The following SMAD3 variants were observed in gnomAD, a reference collection of about 807,000 sequenced individuals.
The protein encoded by SMAD3 is SMAD family member 3.
Under a neutral mutation model 51.8 loss-of-function variants are expected in SMAD3, and 12 were observed. The observed-to-expected ratio is 0.23, with a 90% CI of 0.15 to 0.38. SMAD3 has a LOEUF of 0.38. Among genes scored for constraint, SMAD3 ranks in the 10% least tolerant of loss-of-function variants. The pLI is 1.00. For synonymous variants in SMAD3, 238 were observed against 227.7 expected (o/e 1.05, Z -0.41); for missense variants, 294 against 565.6 (o/e 0.52, Z 4.87).
chr15:67,131,867 C>T (rs1204776000), intron 1 of SMAD3, among the ~76,000 whole-genome samples: 1 of 152,192 alleles, frequency 6.6e-6, no homozygotes, highest in East Asian at 1.9e-4. Flanking sequence ...ATGGGTGCTT[C>T]TTCAGGACAC....
At chr15:67,164,334 AAAAAAAAAAAAG>A (rs1268355870) in intron 1 of SMAD3, among the ~76,000 whole-genome samples, 7 of 151,662 alleles carry the variant, frequency 4.6e-5, no homozygotes, top group Middle Eastern at 6.8e-3. Flanking sequence ...AAAAAAAAAA[AAAAAAAAAAAAG>A]AGGAGGAAAG....
intron 4 of SMAD3, 47 bp from the exon 5 acceptor site, chr15:67,170,507 A>G: frequency 6.5e-7 from 1 of 1,549,348 alleles, no homozygotes; most frequent in Non-Finnish European, 8.9e-7. Context: ...TTGGCTCTCC[A>G]GGCCAAGAAT....
At chr15:67,103,763 C>T (rs1186303035) in intron 1 of SMAD3, among the ~76,000 whole-genome samples, 1 of 152,192 alleles carries the variant, frequency 6.6e-6, no homozygotes, top group Non-Finnish European at 1.5e-5. Context: ...AGGAGGGTTT[C>T]CTCCAACTGT....
At chr15:67,118,434 C>T (rs1231520101) in intron 1 of SMAD3, among the ~76,000 whole-genome samples, 1 of 152,132 alleles carries the variant, frequency 6.6e-6, no homozygotes, top group Non-Finnish European at 1.5e-5. Context: ...TTGATATTTT[C>T]CAAAAAGATA....
chr15:67,185,149 C>T (rs577725387), intron 7 of SMAD3, among the ~76,000 whole-genome samples: 1 of 152,336 alleles, frequency 6.6e-6, no homozygotes, highest in East Asian at 1.9e-4. Context: ...TTTCTTCACT[C>T]ATTCATTGCA....
chr15:67,171,786 C>T (rs994203144), intron 5 of SMAD3, among the ~76,000 whole-genome samples: 3 of 152,076 alleles, frequency 2.0e-5, no homozygotes, highest in Admixed American at 6.6e-5. Context: ...CCATGAGTGC[C>T]GGGCTTTGCA....
intron 1 of SMAD3, among the ~76,000 whole-genome samples, chr15:67,078,304 G>A (rs1349142157): frequency 1.3e-5 from 2 of 152,164 alleles, no homozygotes; most frequent in African/African-American, 2.4e-5. Flanking sequence ...ATTAGATCTC[G>A]GCCTCTGCTG....
chr15:67,108,917 G>A (rs1414494691), intron 1 of SMAD3, among the ~76,000 whole-genome samples: 2 of 152,216 alleles, frequency 1.3e-5, no homozygotes, highest in East Asian at 3.8e-4. Context: ...AGAGAAAACT[G>A]TGGAGATCAA....
intron 5 of SMAD3, among the ~76,000 whole-genome samples, chr15:67,179,298 A>T (rs1364272449): frequency 6.6e-6 from 1 of 152,158 alleles, no homozygotes. Flanking sequence ...ATCTGGCAAT[A>T]TCCGCAGCCT....
chr15:67,088,753 C>T (rs914684883), intron 1 of SMAD3, among the ~76,000 whole-genome samples: 3 of 152,086 alleles, frequency 2.0e-5, no homozygotes, highest in Non-Finnish European at 4.4e-5. Context: ...ATGGTGAAAC[C>T]CTGCCTCTAC....
Position 67,190,671 on chromosome 15 carries a change from C to CA in SMAD3, c.*136dup. 2 of 905,486 alleles carry CA rather than the reference C, an allele frequency of 2.2e-6. No homozygotes were observed. The highest frequency in any genetic ancestry group is 1.5e-5 in the South Asian group (1 of 65,052). 56.1% of individuals were successfully genotyped at this position (905,486 alleles called of 1,614,324 possible). A position where few individuals can be genotyped will look rare whatever the true frequency, so the allele number is the denominator to read the frequency against. ...TCTCCCTCAACTGAAGGGGTGCACC[C>CA]ACCTGTTTTCTGAAACACACGAGCA... On this transcript the variant is annotated 3_prime_UTR_variant, in exon 9 of 9. Transcript: ENST00000327367.
rs1555408269 is a variant in SMAD3 at position 67,113,076 on chromosome 15, G to GTATATATATA, written c.206+46726_206+46735dup. On this transcript the variant is annotated intron_variant, in intron 1 of 8. Coordinates refer to ENST00000327367, the MANE Select transcript of SMAD3 (RefSeq NM_005902.4). The stretch of plus-strand genomic sequence containing the variant: ...CAACTTTTAAAATATATATATATGT[G>GTATATATATA]TATATATATATATATATATTTTTTT... Among the ~76,000 whole-genome samples the GTATATATATA allele has an allele frequency of 3.4e-4, 12 of 34,970 alleles. 1 individual carries two copies. The highest frequency in any genetic ancestry group is 1.5e-3 in the South Asian group (1 of 664). 22.9% of individuals were successfully genotyped at this position (34,970 alleles called of 152,430 possible). A position where few individuals can be genotyped will look rare whatever the true frequency, so the allele number is the denominator to read the frequency against.
intron 1 of SMAD3, among the ~76,000 whole-genome samples, chr15:67,097,259 A>G (rs568843325): frequency 9.2e-5 from 14 of 152,150 alleles, no homozygotes; most frequent in Admixed American, 9.2e-4. Context: ...TCCACCACTC[A>G]GGCTGGAAGG....
Position 67,193,093 on chromosome 15 carries a change from A to T in SMAD3, c.*2557A>T, listed in dbSNP as rs1195836518. 1 of 233,392 alleles carries T rather than the reference A, an allele frequency of 4.3e-6. No individual in the cohort carries two copies. 14.5% of individuals were successfully genotyped at this position (233,392 alleles called of 1,614,324 possible). A position where few individuals can be genotyped will look rare whatever the true frequency, so the allele number is the denominator to read the frequency against. ...CATAGGTGCTTTGGGCGTATGTAAC[A>T]TTAGTGTCCTTCCTTGAAGCCACAA... On this transcript the variant is annotated 3_prime_UTR_variant, in exon 9 of 9. Coordinates refer to ENST00000327367, the MANE Select transcript of SMAD3 (RefSeq NM_005902.4).
intron 1 of SMAD3, among the ~76,000 whole-genome samples, chr15:67,149,207 G>A (rs1003460450): frequency 2.0e-5 from 3 of 152,206 alleles, no homozygotes; most frequent in Non-Finnish European, 4.4e-5. Flanking sequence ...AAGAGTGCAG[G>A]AGCCTCACAT....
At chr15:67,081,259 A>G (rs534745373) in intron 1 of SMAD3, among the ~76,000 whole-genome samples, 9 of 152,290 alleles carry the variant, frequency 5.9e-5, no homozygotes, top group African/African-American at 2.2e-4. Context: ...AGTGCATCAG[A>G]TAGTCATCGT....
intron 4 of SMAD3, among the ~76,000 whole-genome samples, chr15:67,169,379 C>G (rs1384767528): frequency 6.6e-6 from 1 of 152,118 alleles, no homozygotes; most frequent in African/African-American, 2.4e-5. Context: ...TTCCCACAAA[C>G]AGCGCAAGGC....
chr15:67,071,289 G>A (rs942837597), intron 1 of SMAD3, among the ~76,000 whole-genome samples: 1 of 152,198 alleles, frequency 6.6e-6, no homozygotes, highest in Non-Finnish European at 1.5e-5. Context: ...ATAAGAATGA[G>A]GACGTCTTTA....
intron 1 of SMAD3, among the ~76,000 whole-genome samples, chr15:67,118,627 A>G (rs1380603228): frequency 1.3e-5 from 2 of 152,224 alleles, no homozygotes; most frequent in East Asian, 1.9e-4. Flanking sequence ...TTCATCCAGC[A>G]TGGGAACACA....
Sources: allele counts gnomAD v4.1 joint callset (sites outside exome capture counted in the v4.1 genomes callset), GRCh38; gene constraint gnomAD v4.1.1; transcripts MANE v1.5; gene names NCBI Gene and HGNC (gene_info 2026-07-23, HGNC 2026-07-21).